IPO11: variants seen among roughly 807,000 people sequenced by gnomAD.
The protein encoded by IPO11 is importin-11.
IPO11 carries 66 observed loss-of-function variants against 143.2 expected under a neutral mutation model. The ratio of observed to expected loss-of-function variants is 0.46; its 90% CI spans 0.38 to 0.57. The LOEUF (loss-of-function observed/expected upper bound fraction) is 0.57, where lower values mean the gene tolerates loss of function less well. Among genes scored for constraint, IPO11 ranks in the 20% least tolerant of loss-of-function variants. The pLI is 0.00. For synonymous variants in IPO11, 385 were observed against 377.8 expected, an observed-to-expected ratio of 1.02 and a Z score of -0.22; for missense variants, 1,026 against 1,141.0, an observed-to-expected ratio of 0.90 and a Z score of 1.45.
intron 24 of IPO11, among the ~76,000 whole-genome samples, chr5:62,544,539 A>G (rs543895914): frequency 2.0e-5 from 3 of 152,326 alleles, no homozygotes; most frequent in East Asian, 3.9e-4. Context: ...GAAAACTGGC[A>G]CAAGGCAGGG....
At chr5:62,513,392 G>A (rs1469131730) in intron 19 of IPO11, among the ~76,000 whole-genome samples, 22 of 140,914 alleles carry the variant, frequency 1.6e-4, no homozygotes, top group South Asian at 7.0e-4. Flanking sequence ...CGGACGGGGC[G>A]GCTGGCCGGG....
chr5:62,479,332 T>A (rs560460903), intron 9 of IPO11, among the ~76,000 whole-genome samples: 1 of 152,352 alleles, frequency 6.6e-6, no homozygotes, highest in Non-Finnish European at 1.5e-5. Context: ...TAATCCAGTC[T>A]ATCGTTGATG....
At chr5:62,582,147 A>G (rs1744591923) in intron 27 of IPO11, among the ~76,000 whole-genome samples, 1 of 152,200 alleles carries the variant, frequency 6.6e-6, no homozygotes, top group South Asian at 2.1e-4. Context: ...AGTAGAGTGA[A>G]ATGATTAGAT....
intron 1 of IPO11, among the ~76,000 whole-genome samples, chr5:62,432,396 T>C (rs1744026045): frequency 6.6e-6 from 1 of 152,188 alleles, no homozygotes; most frequent in South Asian, 2.1e-4. Flanking sequence ...GTATGAGAAA[T>C]ACTGGCTGGC....
At position 62,467,191 on chromosome 5, in the gene IPO11, C is replaced by G; in HGVS notation, c.577C>G (p.Leu193Val). ...GTGGAATCACCACACAGACACATTC[C>G]TGCAAGAAGTTTCTTCTGGCAATGA... ...SLWNHHTDTF[L>V]QEVSSGNEAA... Residue 193 changes from leucine to valine, a missense_variant, in exon 6 of 30, where the codon CTG (leucine) becomes GTG (valine). Leu to Val is a conservative substitution (Grantham distance 32, BLOSUM62 1). This residue lies in a region of IPO11 where 429 missense variants were observed against 456.3 expected (regional missense o/e 0.94). Coordinates refer to ENST00000325324, the MANE Select transcript of IPO11 (RefSeq NM_016338.5). 1 of 1,613,912 alleles carries G rather than the reference C, an allele frequency of 6.2e-7. No homozygotes were observed. The highest frequency in any genetic ancestry group is 8.5e-7 in the Non-Finnish European group (1 of 1,179,888).
intron 4 of IPO11, 28 bp downstream of exon 4, chr5:62,450,027 C>A: frequency 6.7e-7 from 1 of 1,490,648 alleles, no homozygotes; most frequent in Non-Finnish European, 9.1e-7. Flanking sequence ...GCTAATTTTT[C>A]TTTTTATTTG....
At chr5:62,461,660 C>T (rs1218164897) in intron 5 of IPO11, among the ~76,000 whole-genome samples, 1 of 152,094 alleles carries the variant, frequency 6.6e-6, no homozygotes, top group East Asian at 1.9e-4. Context: ...TTTTAAATTT[C>T]CATACTATTG....
intron 9 of IPO11, among the ~76,000 whole-genome samples, chr5:62,482,382 G>A (rs978614487): frequency 2.6e-5 from 4 of 152,150 alleles, no homozygotes. Context: ...TAATGTAAGG[G>A]TGTTGATTTT....
At chr5:62,438,322 A>T (rs951628417) in intron 2 of IPO11, among the ~76,000 whole-genome samples, 9 of 152,164 alleles carry the variant, frequency 5.9e-5, no homozygotes, top group African/African-American at 2.2e-4. Context: ...AACAAAAAAG[A>T]TGGCTGTTTG....
chr5:62,520,609 T>A (rs962379805), intron 20 of IPO11, among the ~76,000 whole-genome samples: 2 of 152,286 alleles, frequency 1.3e-5, no homozygotes, highest in African/African-American at 4.8e-5. Flanking sequence ...CACCTGTGAG[T>A]GAGAACGTGC....
chr5:62,579,951 T>C (rs1007497172), intron 27 of IPO11: 4 of 1,551,324 alleles, frequency 2.6e-6, no homozygotes, highest in Non-Finnish European at 3.5e-6. Context: ...TCACTGTCCT[T>C]GGGAGTGGTA....
intron 20 of IPO11, among the ~76,000 whole-genome samples, chr5:62,519,231 C>T (rs78693132): frequency 1.4e-3 from 219 of 152,154 alleles, no homozygotes; most frequent in African/African-American, 5.1e-3. Flanking sequence ...GAATGCAGTA[C>T]ATTTTATTTT....
chr5:62,601,338 C>T (rs1350326345), intron 28 of IPO11: 1 of 152,886 alleles, frequency 6.5e-6, no homozygotes, highest in Non-Finnish European at 1.5e-5. Context: ...TAGATTGTTA[C>T]ATAATTAATA....
intron 27 of IPO11, among the ~76,000 whole-genome samples, chr5:62,567,503 TACTATTTCTACCC>T (rs1743987807): frequency 1.4e-5 from 2 of 147,126 alleles, no homozygotes; most frequent in African/African-American, 2.5e-5. Flanking sequence ...TTATTTTTTT[TACTATTTCTACCC>T]TTTTTTCTCT....
intron 8 of IPO11, among the ~76,000 whole-genome samples, chr5:62,475,095 A>G (rs1745907290): frequency 1.3e-5 from 2 of 152,184 alleles, no homozygotes; most frequent in African/African-American, 4.8e-5. Flanking sequence ...TAATGAGTGT[A>G]GAGGAATTTG....
chr5:62,507,622 A>G (rs1031271708), intron 19 of IPO11, among the ~76,000 whole-genome samples: 12 of 152,218 alleles, frequency 7.9e-5, no homozygotes, highest in Non-Finnish European at 1.8e-4. Context: ...TAAAGTTGCA[A>G]TAAATGGTTT....
At chr5:62,435,084 G>GTATATATATGTA (rs1333119780) in intron 1 of IPO11, among the ~76,000 whole-genome samples, 2 of 51,718 alleles carry the variant, frequency 3.9e-5, no homozygotes, top group East Asian at 1.1e-3. Flanking sequence ...ATATATATGT[G>GTATATATATGTA]TATATATGTA....
At chr5:62,444,279 A>G (rs887105555) in intron 3 of IPO11, among the ~76,000 whole-genome samples, 3 of 151,652 alleles carry the variant, frequency 2.0e-5, no homozygotes, top group Non-Finnish European at 2.9e-5. Flanking sequence ...TTTTTAGTAG[A>G]GCCAGGGTTT....
At chr5:62,562,445 C>A (rs751443235) in intron 27 of IPO11, among the ~76,000 whole-genome samples, 1 of 152,180 alleles carries the variant, frequency 6.6e-6, no homozygotes, top group Non-Finnish European at 1.5e-5. Flanking sequence ...CACCTCAAAT[C>A]ATTAGGCATT....
Sources: gnomAD v4.1 joint callset for allele counts (sites outside exome capture counted in the v4.1 genomes callset) on GRCh38, gnomAD v4.1.1 for gene constraint, gnomAD v4.1.1 regional missense constraint, MANE v1.5 for transcripts, NCBI Gene and HGNC (gene_info 2026-07-23, HGNC 2026-07-21) for gene names.